Variants in EPS15 observed in about 807,000 individuals in gnomAD.
EPS15 encodes epidermal growth factor receptor pathway substrate 15.
EPS15 carries 72 observed loss-of-function variants against 113.8 expected under a neutral mutation model. The ratio of observed to expected loss-of-function variants is 0.63; its 90% confidence interval spans 0.52 to 0.77. EPS15 has a LOEUF of 0.77. Among genes scored for constraint, EPS15 ranks in the 30% least tolerant of loss-of-function variants. The probability of loss-of-function intolerance (pLI) is 0.00; values close to 1 mark genes in which losing one functional copy is unlikely to be tolerated. For synonymous variants in EPS15, 344 were observed against 363.4 expected (o/e 0.95, Z 0.61); for missense variants, 1,048 against 1,045.8 (o/e 1.00, Z -0.03).
chr1:51,358,493 G>A (rs988318258), intron 24 of EPS15, among the ~76,000 whole-genome samples: 6 of 152,138 alleles, frequency 3.9e-5, no homozygotes, highest in Non-Finnish European at 8.8e-5. Flanking sequence ...ATGAAAGGAT[G>A]AAATAAAATA....
chr1:51,490,867 T>G (rs1327963506), intron 1 of EPS15, among the ~76,000 whole-genome samples: 1 of 152,102 alleles, frequency 6.6e-6, no homozygotes, highest in Admixed American at 6.6e-5. Context: ...ACCGGCAAAA[T>G]TTAAATAAGG....
chr1:51,449,853 G>A (rs944941934), intron 8 of EPS15, among the ~76,000 whole-genome samples: 7 of 151,690 alleles, frequency 4.6e-5, no homozygotes, highest in African/African-American at 1.5e-4. Context: ...AATGGCTTCT[G>A]GGTGGGACCA....
At chr1:51,456,774 G>A (rs986811996) in intron 8 of EPS15, among the ~76,000 whole-genome samples, 6 of 152,094 alleles carry the variant, frequency 3.9e-5, no homozygotes, top group African/African-American at 1.4e-4. Context: ...CTATCTTGCA[G>A]TAATTATAAT....
intron 12 of EPS15, among the ~76,000 whole-genome samples, chr1:51,425,588 T>C (rs1651132382): frequency 6.6e-6 from 1 of 152,236 alleles, no homozygotes; most frequent in Non-Finnish European, 1.5e-5. Flanking sequence ...GAAACTTATT[T>C]ATAAAAATTC....
intron 8 of EPS15, among the ~76,000 whole-genome samples, chr1:51,450,086 T>G (rs1653414063): frequency 6.6e-6 from 1 of 151,682 alleles, no homozygotes; most frequent in Non-Finnish European, 1.5e-5. Context: ...GTATTCCTAA[T>G]AGCTCAGAAT....
At chr1:51,489,305 ATG>A (rs1491060172) in intron 1 of EPS15, among the ~76,000 whole-genome samples, 30 of 133,570 alleles carry the variant, frequency 2.2e-4, no homozygotes, top group Non-Finnish European at 3.2e-4. Flanking sequence ...ATATATATAT[ATG>A]TATGTATGTA....
intron 13 of EPS15, among the ~76,000 whole-genome samples, chr1:51,420,220 C>G (rs1237374636): frequency 6.6e-6 from 1 of 151,390 alleles, no homozygotes; most frequent in Non-Finnish European, 1.5e-5. Context: ...CGGAGAAATT[C>G]TGATGGACAA....
At position 51,361,293 on chromosome 1, in the gene EPS15, G is replaced by C. The variant is rs535318118; in HGVS notation, c.2422C>G (p.Pro808Ala). ...DPFKLNDPFQ[P>A]FPGNDSPKEK... ...TTGGGGCTATCGTTGCCTGGGAAAG[G>C]CTGAAATGGATCATTCAGTTTAAAG... Residue 808 changes from proline to alanine, a missense_variant, in exon 24 of 25, where the codon CCT becomes GCT. Coordinates refer to ENST00000371733, the MANE Select transcript of EPS15 (RefSeq NM_001981.3). The C allele has an allele frequency of 1.2e-5, 19 of 1,613,732 alleles. No individual in the cohort carries two copies.
intron 21 of EPS15, among the ~76,000 whole-genome samples, chr1:51,389,662 T>C (rs1647202702): frequency 6.6e-6 from 1 of 152,264 alleles, no homozygotes; most frequent in Non-Finnish European, 1.5e-5. Context: ...ACAAGCATTC[T>C]TATACACCAA....
chr1:51,440,354 G>T lies in EPS15; in HGVS notation c.1033C>A (p.Leu345Ile). 1 of 1,517,412 alleles carries T rather than the reference G, an allele frequency of 6.6e-7. No homozygotes were observed. The highest frequency in any genetic ancestry group is 9.0e-7 in the Non-Finnish European group (1 of 1,108,256). The allele number at this position is 1,517,412 out of a possible 1,614,324, so 94.0% of individuals were successfully genotyped here. ...TAATTTTGCTTTACATACCTCTGTA[G>T]GTCAACTATTTCATTGTTAAGAGTA... ...LDTLNNEIVD[L>I]QREKNNVEQD... is the part of the protein sequence containing the mutation. Residue 345 changes from leucine to isoleucine, a missense_variant, in exon 12 of 25, where the codon CTA becomes ATA. Coordinates refer to ENST00000371733, the MANE Select transcript of EPS15 (RefSeq NM_001981.3).
chr1:51,368,257 G>A (rs1421343976), intron 21 of EPS15, among the ~76,000 whole-genome samples: 1 of 152,156 alleles, frequency 6.6e-6, no homozygotes, highest in African/African-American at 2.4e-5. Flanking sequence ...GTATATCTTG[G>A]ACATAAAAAG....
At chr1:51,426,835 C>CTA (rs1388465399) in intron 12 of EPS15, among the ~76,000 whole-genome samples, 143 of 139,580 alleles carry the variant, frequency 1.0e-3, no homozygotes, top group Middle Eastern at 3.7e-3. Context: ...CTCTCTCTCT[C>CTA]TCTATATATA....
chr1:51,400,725 A>C (rs567043334), intron 19 of EPS15, among the ~76,000 whole-genome samples, 193 bp downstream of exon 19: 1 of 150,844 alleles, frequency 6.6e-6, no homozygotes, highest in East Asian at 1.9e-4. Flanking sequence ...AAAAAAAAAA[A>C]AAAAAAAAAA....
chr1:51,508,366 A>AAG (rs1644558500), intron 1 of EPS15, among the ~76,000 whole-genome samples: 2 of 151,062 alleles, frequency 1.3e-5, no homozygotes, highest in East Asian at 1.9e-4. Flanking sequence ...GAAAGAAAGA[A>AAG]AGAAAGAAAG....
chr1:51,394,234 G>A, intron 21 of EPS15, 147 bp downstream of exon 21: 3 of 513,612 alleles, frequency 5.8e-6, no homozygotes, highest in Non-Finnish European at 1.1e-5. Context: ...ATATACAAAT[G>A]CTTATTATTG....
At chr1:51,467,309 T>G (rs111903637) in intron 5 of EPS15, among the ~76,000 whole-genome samples, 3 of 152,374 alleles carry the variant, frequency 2.0e-5, no homozygotes, top group African/African-American at 7.2e-5. Flanking sequence ...TTGAACAGCA[T>G]TTCTACTTTT....
chr1:51,471,877 C>G (rs1655265835), intron 3 of EPS15, 140 bp from the exon 4 acceptor site: 1 of 702,136 alleles, frequency 1.4e-6, no homozygotes, highest in South Asian at 1.9e-5. Context: ...TGGAAAGAAC[C>G]CTTAAAGATC....
intron 21 of EPS15, among the ~76,000 whole-genome samples, chr1:51,383,914 T>C (rs1380513918): frequency 6.6e-6 from 1 of 152,136 alleles, no homozygotes; most frequent in Non-Finnish European, 1.5e-5. Flanking sequence ...AAAATCAACA[T>C]ATGAAAATCA....
intron 8 of EPS15, among the ~76,000 whole-genome samples, chr1:51,450,203 G>A (rs1363628332): frequency 6.6e-6 from 1 of 151,724 alleles, no homozygotes; most frequent in Non-Finnish European, 1.5e-5. Context: ...AGGAGCCAGG[G>A]CACTCCTGGG....
Sources: allele counts gnomAD v4.1 joint callset (sites outside exome capture counted in the v4.1 genomes callset), GRCh38; gene constraint gnomAD v4.1.1; transcripts MANE v1.5; gene names NCBI Gene and HGNC (gene_info 2026-07-23, HGNC 2026-07-21).